The following UBE3A variants were observed in gnomAD, a reference collection of about 807,000 sequenced individuals.
The protein encoded by UBE3A is ubiquitin-protein ligase E3A.
UBE3A carries 6 observed loss-of-function variants against 83.4 expected under a neutral mutation model. That is an observed-to-expected ratio of 0.07 (90% CI 0.04 to 0.14). The LOEUF is 0.14. Among genes scored for constraint, UBE3A ranks in the 10% least tolerant of loss-of-function variants. UBE3A has a pLI of 1.00. For missense variants in UBE3A, 456 were observed against 1,036.1 expected, an observed-to-expected ratio of 0.44 and a Z score of 7.69; for synonymous variants, 337 against 355.4, an observed-to-expected ratio of 0.95 and a Z score of 0.58.
At chr15:25,367,217 ATATTTACAT>A (rs2079349003) in intron 6 of UBE3A, among the ~76,000 whole-genome samples, 1 of 102,050 alleles carries the variant, frequency 9.8e-6, no homozygotes, top group African/African-American at 6.0e-5. Flanking sequence ...AAATATGTAA[ATATTTACAT>A]ATTTGTAAAT....
rs548919111 is a variant in UBE3A, at chr15:25,338,510, T to A, written c.*627A>T. ...TAAAACATTCCAATTTCTCCCTTCC[T>A]TCCATCTTTCTTTATTGATTGATTC... On this transcript the variant is annotated 3_prime_UTR_variant, in exon 13 of 13. Coordinates refer to ENST00000648336, the MANE Select transcript of UBE3A (RefSeq NM_130839.5). 6.6e-6 allele frequency: 1 copy of A among 151,836 alleles called. No individual in the cohort carries two copies. Among genetic ancestry groups the A allele is most frequent in the South Asian group, 2.1e-4 (1 of 4,780 alleles). 9.4% of individuals were successfully genotyped at this position (151,836 alleles called of 1,614,324 possible). A position where few individuals can be genotyped will look rare whatever the true frequency, so the allele number is the denominator to read the frequency against.
chr15:25,381,197 G>A (rs1458730386), intron 4 of UBE3A, among the ~76,000 whole-genome samples: 2 of 152,156 alleles, frequency 1.3e-5, no homozygotes, highest in Non-Finnish European at 2.9e-5. Context: ...TGTAAAATTT[G>A]TGTTCAATGT....
chr15:25,384,234 CT>C (rs1453633805), intron 4 of UBE3A, among the ~76,000 whole-genome samples: 7 of 151,984 alleles, frequency 4.6e-5, no homozygotes, highest in African/African-American at 1.7e-4. Flanking sequence ...CCAAGGTGGG[CT>C]GATCACGAGG....
At chr15:25,365,677 G>A (rs1290406448) in intron 6 of UBE3A, among the ~76,000 whole-genome samples, 1 of 151,566 alleles carries the variant, frequency 6.6e-6, no homozygotes, top group East Asian at 1.9e-4. Context: ...GAACCTGGGA[G>A]GCGGGGCTTG....
At chr15:25,406,559 A>G (rs1414386882) in intron 3 of UBE3A, among the ~76,000 whole-genome samples, 2 of 152,258 alleles carry the variant, frequency 1.3e-5, no homozygotes, top group East Asian at 3.9e-4. Flanking sequence ...TTCCCAAACT[A>G]GATAAAAAAT....
intron 4 of UBE3A, among the ~76,000 whole-genome samples, chr15:25,386,303 A>G (rs1455237638): frequency 6.6e-6 from 1 of 152,198 alleles, no homozygotes; most frequent in Non-Finnish European, 1.5e-5. Flanking sequence ...TACCTAGTAC[A>G]TCATGTCCAA....
Position 25,338,983 on chromosome 15 carries a change from C to A in UBE3A, c.*154G>T. 2.7e-6 allele frequency: 2 copies of A among 736,858 alleles called. No individual in the cohort carries two copies. The highest frequency in any genetic ancestry group is 2.0e-6 in the Non-Finnish European group (1 of 502,924). 45.6% of individuals were successfully genotyped at this position (736,858 alleles called of 1,614,324 possible). ...CCCCAATAAAGAAGGGAGGCACAGACATAGGTGACTACTGTGGTTGACTAT... is the reference window on the plus strand; with the variant it reads ...CCCCAATAAAGAAGGGAGGCACAGAAATAGGTGACTACTGTGGTTGACTAT... On this transcript the variant is annotated 3_prime_UTR_variant, in exon 13 of 13. Transcript: ENST00000648336.
intron 4 of UBE3A, among the ~76,000 whole-genome samples, chr15:25,397,253 G>C (rs1431722758): frequency 6.6e-6 from 1 of 152,128 alleles, no homozygotes; most frequent in African/African-American, 2.4e-5. Flanking sequence ...CTAATTTCCT[G>C]TTACTCTACT....
chr15:25,426,968 T>C (rs977689740), intron 1 of UBE3A, among the ~76,000 whole-genome samples: 2 of 152,180 alleles, frequency 1.3e-5, no homozygotes, highest in South Asian at 2.1e-4. Flanking sequence ...TTATTTTTCA[T>C]AGGGATAAGG....
chr15:25,351,958 C>A (rs1430707921), intron 11 of UBE3A, among the ~76,000 whole-genome samples: 2 of 152,024 alleles, frequency 1.3e-5, no homozygotes, highest in Admixed American at 6.5e-5. Flanking sequence ...CTTTGGGAGG[C>A]CGAGGCGGGC....
chr15:25,361,157 A>C (rs2078020791), intron 6 of UBE3A, among the ~76,000 whole-genome samples: 2 of 139,990 alleles, frequency 1.4e-5, no homozygotes, highest in Non-Finnish European at 3.0e-5. Flanking sequence ...ATGAAATCTC[A>C]CTCTGTCGCC....
At chr15:25,360,648 T>C (rs2077912835) in intron 6 of UBE3A, 121 bp from the exon 7 acceptor site, 1 of 1,147,508 alleles carries the variant, frequency 8.7e-7, no homozygotes. Flanking sequence ...TGTATGTAAA[T>C]GGAAACAGAA....
At chr15:25,435,231 T>TACACAC (rs56786510) in intron 1 of UBE3A, among the ~76,000 whole-genome samples, 23 of 143,732 alleles carry the variant, frequency 1.6e-4, no homozygotes, top group African/African-American at 5.7e-4. Flanking sequence ...GATAGGGTTT[T>TACACAC]ACACACACAC....
chr15:25,376,769 G>C (rs1485215369), intron 4 of UBE3A, among the ~76,000 whole-genome samples: 1 of 112,468 alleles, frequency 8.9e-6, no homozygotes, highest in Non-Finnish European at 1.8e-5. Context: ...AATATTTTAA[G>C]TTCCATCACG....
chr15:25,427,796 A>G (rs1326714704), intron 1 of UBE3A, among the ~76,000 whole-genome samples: 6 of 888 alleles, frequency 6.8e-3, no homozygotes, highest in Non-Finnish European at 0.014. Context: ...TGTCTCCTGG[A>G]AAAAAAAAAA....
At chr15:25,364,283 AAC>A (rs1192603231) in intron 6 of UBE3A, among the ~76,000 whole-genome samples, 1 of 152,108 alleles carries the variant, frequency 6.6e-6, no homozygotes, top group Non-Finnish European at 1.5e-5. Context: ...TTAAATTATT[AAC>A]ACATAAAATT....
In UBE3A at chr15:25,354,375, T is replaced by C; in HGVS notation, c.2332A>G (p.Thr778Ala). ...EETTEYDGGYTRDSVLIREFW... is the reference protein window; with the variant it reads ...EETTEYDGGYARDSVLIREFW... ...CACCTAATCAGAACAGAGTCCCTGG[T>C]ATAGCCACCGTCATATTCTGTAGTT... Residue 778 changes from threonine (T) to alanine (A), a missense_variant, in exon 11 of 13, where the codon ACC (threonine) becomes GCC (alanine). By Grantham distance (58) the Thr-to-Ala change is moderately conservative. This residue lies in a region of UBE3A where 82 missense variants were observed against 199.3 expected (regional missense o/e 0.41). Coordinates refer to ENST00000648336, the MANE Select transcript of UBE3A (RefSeq NM_130839.5). 6.2e-7 allele frequency: 1 copy of C among 1,613,674 alleles called. No individual in the cohort carries two copies. Among genetic ancestry groups the C allele is most frequent in the South Asian group, 1.1e-5 (1 of 91,058 alleles).
intron 4 of UBE3A, among the ~76,000 whole-genome samples, chr15:25,385,056 C>A (rs992604091): frequency 6.6e-6 from 1 of 152,152 alleles, no homozygotes; most frequent in Admixed American, 6.5e-5. Context: ...GCAATGATTT[C>A]TTGAATAGAT....
At chr15:25,427,499 T>A (rs1567180250) in intron 1 of UBE3A, among the ~76,000 whole-genome samples, 1 of 150,864 alleles carries the variant, frequency 6.6e-6, no homozygotes, top group East Asian at 2.0e-4. Context: ...AAAGCACTCT[T>A]CTATTTCAAA....
Sources: allele counts gnomAD v4.1 joint callset (sites outside exome capture counted in the v4.1 genomes callset), GRCh38; gene constraint gnomAD v4.1.1; regional missense constraint gnomAD v4.1.1; transcripts MANE v1.5; gene names NCBI Gene and HGNC (gene_info 2026-07-23, HGNC 2026-07-21).